The following CSNK1A1 variants were observed in gnomAD, a reference collection of about 807,000 sequenced individuals.
CSNK1A1 encodes casein kinase 1 alpha 1, also known as casein kinase I isoform alpha.
A neutral mutation model predicts 46.1 loss-of-function variants in CSNK1A1; 7 were observed. That is an observed-to-expected ratio of 0.15 (90% confidence interval 0.09 to 0.29). The LOEUF is 0.29. Ranked by LOEUF, CSNK1A1 falls within the 10% of genes least tolerant of loss-of-function variation. The probability of loss-of-function intolerance (pLI) is 1.00; values close to 1 mark genes in which losing one functional copy is unlikely to be tolerated. For missense variants in CSNK1A1, 96 were observed against 417.1 expected, an observed-to-expected ratio of 0.23 and a Z score of 6.71; for synonymous variants, 137 against 141.5, an observed-to-expected ratio of 0.97 and a Z score of 0.23.
At chr5:149,535,534 T>A (rs185405997) in intron 2 of CSNK1A1, among the ~76,000 whole-genome samples, 2 of 152,156 alleles carry the variant, frequency 1.3e-5, no homozygotes, top group Non-Finnish European at 2.9e-5. Flanking sequence ...TAAAAAGGGA[T>A]AACATGTACA....
chr5:149,525,135 G>A lies in CSNK1A1; in HGVS notation c.267C>T (p.Val89=), dbSNP rs978022176. 19 of 1,613,058 alleles carry A rather than the reference G, an allele frequency of 1.2e-5. No individual in the cohort carries two copies. Among genetic ancestry groups the A allele is most frequent in the Middle Eastern group, 1.6e-4 (1 of 6,080 alleles). The change falls in exon 3 of 10, where the codon GTC becomes GTT. Residue 89 remains valine (V), a synonymous_variant. Transcript: ENST00000377843. The surrounding 1 kb of genome is among the most constrained non-coding windows in gnomAD (Gnocchi z 4.2). ...YGQEKDYNVL[V]MDLLGPSLED... is the part of the protein sequence containing the mutation. ...CGAGGCTAGGTCCCAGAAGATCCAT[G>A]ACTAGTACATTGTAGTCTTTTTCCT...
intron 2 of CSNK1A1, among the ~76,000 whole-genome samples, chr5:149,539,662 T>C (rs918878124): frequency 2.0e-5 from 3 of 152,124 alleles, no homozygotes; most frequent in African/African-American, 7.2e-5. Context: ...AAAATCATGA[T>C]ACCTACGTCA....
In CSNK1A1 at chr5:149,538,922, C is replaced by CA. The variant is rs5872132; in HGVS notation, c.230+11152dup. On this transcript the variant is annotated intron_variant, in intron 2 of 9. Transcript: ENST00000377843. Reference sequence around the variant, plus strand: ...GGGCAACAAGAGCGAAACTCCGTCTCAAAAAAAAAAAAAGAAAAAGAAAAA... The same window carrying CA: ...GGGCAACAAGAGCGAAACTCCGTCTCAAAAAAAAAAAAAAGAAAAAGAAAAA... Among the ~76,000 whole-genome samples the CA allele has an allele frequency of 1.8e-3, 244 of 131,918 alleles. 1 individual carries two copies. Among genetic ancestry groups the CA allele is most frequent in the Middle Eastern group, 0.017 (4 of 238 alleles). The allele number at this position is 131,918 out of a possible 152,430, so 86.5% of individuals were successfully genotyped here. A position where few individuals can be genotyped will look rare whatever the true frequency, so the allele number is the denominator to read the frequency against.
chr5:149,498,093 A>G (rs768449764), intron 9 of CSNK1A1: 103 of 980,638 alleles, frequency 1.1e-4, no homozygotes, highest in Non-Finnish European at 1.2e-4. Context: ...TGGCCTCCCA[A>G]AGTGTGGGGG....
At chr5:149,505,205 G>T (rs559364674) in intron 9 of CSNK1A1, 1 of 1,148,746 alleles carries the variant, frequency 8.7e-7, no homozygotes, top group South Asian at 4.1e-5. Flanking sequence ...AATCCCAAGA[G>T]AAATGATATA....
intron 9 of CSNK1A1, chr5:149,501,517 T>C (rs1374442064): frequency 7.1e-6 from 7 of 985,342 alleles, no homozygotes; most frequent in Non-Finnish European, 7.2e-6. Flanking sequence ...AGGAAGACTG[T>C]GGACATGGTA....
intron 2 of CSNK1A1, among the ~76,000 whole-genome samples, chr5:149,542,243 C>CG (rs1318989570): frequency 6.6e-6 from 1 of 151,850 alleles, no homozygotes; most frequent in Non-Finnish European, 1.5e-5. Context: ...TAATGCCTGA[C>CG]GATCTGTTAC....
chr5:149,504,347 T>G (rs1205091584), intron 9 of CSNK1A1: 2 of 977,624 alleles, frequency 2.0e-6, no homozygotes, highest in African/African-American at 3.5e-5. Flanking sequence ...GATTAGAATC[T>G]ATTTTTAAAT....
intron 2 of CSNK1A1, chr5:149,529,461 C>T (rs1325763276): frequency 1.7e-5 from 4 of 230,262 alleles, no homozygotes; most frequent in Admixed American, 1.6e-4. Context: ...GTCAATGAGG[C>T]TGACAAAAAA....
At chr5:149,531,205 T>C (rs774030586) in intron 2 of CSNK1A1, among the ~76,000 whole-genome samples, 53 of 152,078 alleles carry the variant, frequency 3.5e-4, no homozygotes, top group Non-Finnish European at 6.9e-4. Flanking sequence ...AAATCAATTA[T>C]AGCGAAATTG....
chr5:149,508,475 T>A (rs1197915604), intron 7 of CSNK1A1, among the ~76,000 whole-genome samples: 2 of 152,240 alleles, frequency 1.3e-5, no homozygotes, highest in African/African-American at 4.8e-5. Flanking sequence ...ATTTCAGGTA[T>A]ACAATTCTTT....
At chr5:149,540,322 T>C (rs1014079095) in intron 2 of CSNK1A1, among the ~76,000 whole-genome samples, 1 of 152,192 alleles carries the variant, frequency 6.6e-6, no homozygotes, top group African/African-American at 2.4e-5. Flanking sequence ...ATGTACTCTC[T>C]TCAGCTAAAC....
intron 2 of CSNK1A1, among the ~76,000 whole-genome samples, chr5:149,547,967 TTCA>T (rs1762532514): frequency 6.6e-6 from 1 of 151,574 alleles, no homozygotes; most frequent in Admixed American, 6.6e-5. Flanking sequence ...GACTCCCGGG[TTCA>T]AGCTATTCTC....
chr5:149,499,309 GAGGGGGA>G, intron 9 of CSNK1A1: 5 of 838,084 alleles, frequency 6.0e-6, no homozygotes, highest in Non-Finnish European at 7.1e-6. Context: ...AAAAAAAGGG[GAGGGGGA>G]GGGGGGAGTT....
intron 4 of CSNK1A1, 29 bp from the exon 5 acceptor site, chr5:149,513,238 G>C: frequency 6.3e-7 from 1 of 1,597,502 alleles, no homozygotes; most frequent in Non-Finnish European, 8.5e-7. Flanking sequence ...GAAACATTAG[G>C]TTTCCAACCT....
chr5:149,538,268 C>T (rs573238329), intron 2 of CSNK1A1, among the ~76,000 whole-genome samples: 38 of 152,028 alleles, frequency 2.5e-4, no homozygotes, highest in African/African-American at 8.0e-4. Flanking sequence ...GTGATCCGCC[C>T]GCCTCGGCCA....
chr5:149,538,429 T>C (rs7719315), intron 2 of CSNK1A1, among the ~76,000 whole-genome samples: 40,813 of 152,096 alleles, frequency 0.27, 5,817 homozygotes, highest in African/African-American at 0.34. Context: ...AGGTGTTGTA[T>C]GTTAAATTCA....
At chr5:149,504,472 T>C (rs1760965615) in intron 9 of CSNK1A1, 1 of 985,402 alleles carries the variant, frequency 1.0e-6, no homozygotes, top group Non-Finnish European at 1.2e-6. Context: ...AAGAGCCAAA[T>C]CTTACTTGCC....
At chr5:149,534,482 CAAAAAAAAAAAA>C (rs10597922) in intron 2 of CSNK1A1, among the ~76,000 whole-genome samples, 45 of 94,986 alleles carry the variant, frequency 4.7e-4, no homozygotes, top group African/African-American at 1.8e-3. Context: ...GACTCTGTCT[CAAAAAAAAAAAA>C]AAAAAAAAAA....
Sources: allele counts gnomAD v4.1 joint callset (sites outside exome capture counted in the v4.1 genomes callset), GRCh38; gene constraint gnomAD v4.1.1; non-coding constraint Gnocchi (gnomAD v3.1); transcripts MANE v1.5; gene names NCBI Gene and HGNC (gene_info 2026-07-23, HGNC 2026-07-21).